The following CSMD1 variants were observed in gnomAD, a reference collection of about 807,000 sequenced individuals.
The protein encoded by CSMD1 is CUB and Sushi multiple domains 1.
A neutral mutation model predicts 417.5 loss-of-function variants in CSMD1; 213 were observed. That is an observed-to-expected ratio of 0.51 (90% CI 0.46 to 0.57). The LOEUF is 0.57. Ranked by LOEUF, CSMD1 falls within the 20% of genes least tolerant of loss-of-function variation. The pLI is 0.00. For synonymous variants in CSMD1, 2,862 were observed against 1,736.8 expected (o/e 1.65, Z -16.11); for missense variants, 6,923 against 4,529.7 (o/e 1.53, Z -15.17).
At chr8:4,113,390 CTT>C (rs59647790) in intron 3 of CSMD1, among the ~76,000 whole-genome samples, 10,128 of 80,756 alleles carry the variant, frequency 0.13, 731 homozygotes, top group Non-Finnish European at 0.16. Flanking sequence ...AATAAAAGGG[CTT>C]TTTTTTTTTT....
intron 4 of CSMD1, 125 bp from the exon 5 acceptor site, chr8:3,998,235 A>T: frequency 1.3e-6 from 1 of 743,156 alleles, no homozygotes; most frequent in Non-Finnish European, 2.1e-6. Flanking sequence ...GAGACACTCA[A>T]TCTGAAAAAG....
intron 25 of CSMD1, among the ~76,000 whole-genome samples, chr8:3,291,321 A>T (rs956575374): frequency 4.6e-5 from 7 of 150,716 alleles, no homozygotes; most frequent in African/African-American, 1.7e-4. Context: ...CTTTGCTTTC[A>T]GGGTGATGCT....
chr8:4,547,269 A>G (rs1432892045), intron 2 of CSMD1, among the ~76,000 whole-genome samples: 1 of 152,186 alleles, frequency 6.6e-6, no homozygotes, highest in Non-Finnish European at 1.5e-5. Flanking sequence ...GGGTGTTGCC[A>G]TCTTTCAGAT....
chr8:4,688,187 GAGT>G (rs753577601), intron 1 of CSMD1, among the ~76,000 whole-genome samples: 16 of 152,132 alleles, frequency 1.1e-4, no homozygotes. Flanking sequence ...GAGTGTACGA[GAGT>G]CAAGATTCTT....
intron 10 of CSMD1, among the ~76,000 whole-genome samples, chr8:3,532,564 C>T (rs911677269): frequency 1.3e-5 from 2 of 152,128 alleles, no homozygotes; most frequent in South Asian, 2.1e-4. Context: ...GTAGGTTCAA[C>T]ACAGGATTTG....
At chr8:4,758,362 T>C (rs1456407612) in intron 1 of CSMD1, among the ~76,000 whole-genome samples, 1 of 152,170 alleles carries the variant, frequency 6.6e-6, no homozygotes, top group Admixed American at 6.5e-5. Flanking sequence ...CTATGTATTA[T>C]GCATTTTCAA....
chr8:4,193,894 A>T (rs1799184103), intron 3 of CSMD1, among the ~76,000 whole-genome samples: 1 of 151,936 alleles, frequency 6.6e-6, no homozygotes, highest in Non-Finnish European at 1.5e-5. Context: ...GGCCACCTCC[A>T]CGAAGGAAAG....
In CSMD1 at chr8:4,994,362, G is replaced by A. The variant is rs190627256; in HGVS notation, c.55C>T (p.Leu19=). Residue 19 remains leucine, a synonymous_variant, in exon 1 of 70, where the codon CTG becomes TTG. Transcript: ENST00000635120. ...SLLLLLGLLV[L]CARLLTAAKG... is the part of the protein sequence containing the mutation. ...GCTGCAGTGAGGAGCCTCGCGCACAGCACCAGCAGCCCGAGAAGCAGGAGC... is the reference window on the plus strand; with the variant it reads ...GCTGCAGTGAGGAGCCTCGCGCACAACACCAGCAGCCCGAGAAGCAGGAGC... The A allele has an allele frequency of 2.9e-5, 47 of 1,611,770 alleles. 1 individual carries two copies. In the African/African-American group the frequency reaches 5.1e-4, roughly 17 times the overall value.
intron 1 of CSMD1, among the ~76,000 whole-genome samples, chr8:4,723,164 C>A (rs77561710): frequency 6.0e-4 from 91 of 152,236 alleles, no homozygotes; most frequent in African/African-American, 2.2e-3. Context: ...GAAATGGATT[C>A]TATTATATGG....
intron 5 of CSMD1, among the ~76,000 whole-genome samples, chr8:3,965,036 T>C (rs190780517): frequency 1.9e-4 from 29 of 152,354 alleles, no homozygotes; most frequent in Non-Finnish European, 3.8e-4. Context: ...TTCTACACAA[T>C]GTGCTTGTAA....
At chr8:4,713,591 G>A (rs548540278) in intron 1 of CSMD1, among the ~76,000 whole-genome samples, 4 of 152,072 alleles carry the variant, frequency 2.6e-5, no homozygotes, top group Non-Finnish European at 5.9e-5. Flanking sequence ...AGTAGAGACG[G>A]GGTTTCACCA....
intron 41 of CSMD1, among the ~76,000 whole-genome samples, chr8:3,121,294 C>G (rs1217513841): frequency 1.3e-5 from 2 of 152,160 alleles, no homozygotes; most frequent in African/African-American, 4.8e-5. Context: ...CTTTCAGCAT[C>G]CCTTGGTTTT....
chr8:3,740,619 G>T (rs192416982), intron 6 of CSMD1, among the ~76,000 whole-genome samples: 3 of 152,292 alleles, frequency 2.0e-5, no homozygotes, highest in Non-Finnish European at 2.9e-5. Context: ...AGTGTGATTT[G>T]ATGCTGGTAA....
intron 12 of CSMD1, among the ~76,000 whole-genome samples, chr8:3,441,705 G>A (rs780096846): frequency 6.6e-6 from 1 of 152,080 alleles, no homozygotes; most frequent in Non-Finnish European, 1.5e-5. Context: ...CTACTGTGCT[G>A]CCAGCCATGT....
chr8:3,239,985 G>A (rs1316507270), intron 26 of CSMD1, among the ~76,000 whole-genome samples: 1 of 151,834 alleles, frequency 6.6e-6, no homozygotes, highest in Non-Finnish European at 1.5e-5. Flanking sequence ...TATGTGTCAA[G>A]TGTGAGGAAG....
chr8:3,854,162 A>C lies in CSMD1; in HGVS notation c.819-100120T>G, dbSNP rs563335137. 2.2e-4 allele frequency among the ~76,000 whole-genome samples: 17 copies of C among 76,996 alleles called. No individual in the cohort carries two copies. The East Asian group carries it at 6.4e-3, about 29-fold the overall frequency. The allele number at this position is 76,996 out of a possible 152,430, so 50.5% of individuals were successfully genotyped here. A position where few individuals can be genotyped will look rare whatever the true frequency, so the allele number is the denominator to read the frequency against. ...CTCTATTAAAGTATAATAATAATAA[A>C]AAAAAAAAAACACGTCTTGGAAATG... On this transcript the variant is annotated intron_variant, in intron 5 of 69. Transcript: ENST00000635120.
chr8:3,934,862 TAAATA>T (rs1810378065), intron 5 of CSMD1, among the ~76,000 whole-genome samples: 1 of 151,980 alleles, frequency 6.6e-6, no homozygotes, highest in African/African-American at 2.4e-5. Flanking sequence ...ATAAATTAAT[TAAATA>T]AAATAAAAAC....
At chr8:4,831,010 A>G (rs1211788575) in intron 1 of CSMD1, among the ~76,000 whole-genome samples, 2 of 152,206 alleles carry the variant, frequency 1.3e-5, no homozygotes, top group African/African-American at 4.8e-5. Context: ...TAAGGGCTGC[A>G]CAAAGCACTT....
chr8:3,007,251 G>C (rs896780862), intron 52 of CSMD1, among the ~76,000 whole-genome samples: 41 of 148,816 alleles, frequency 2.8e-4, no homozygotes, highest in African/African-American at 6.8e-4. Context: ...TTAGAATGGC[G>C]ATCATTAAAA....
Sources: allele counts gnomAD v4.1 joint callset (sites outside exome capture counted in the v4.1 genomes callset), GRCh38; gene constraint gnomAD v4.1.1; transcripts MANE v1.5; gene names NCBI Gene and HGNC (gene_info 2026-07-23, HGNC 2026-07-21).